TFB1M: variants seen among roughly 807,000 people sequenced by gnomAD.
The protein encoded by TFB1M is transcription factor B1, mitochondrial, also known as dimethyladenosine transferase 1, mitochondrial.
In TFB1M, 27 loss-of-function variants were observed where a neutral mutation model predicts 31.1. The observed-to-expected ratio is 0.87, with a 90% CI of 0.64 to 1.20. TFB1M has a LOEUF of 1.20. Ranked by LOEUF, TFB1M falls within the 50% of genes most tolerant of loss-of-function variation. The probability of loss-of-function intolerance (pLI) is 0.00; values close to 1 mark genes in which losing one functional copy is unlikely to be tolerated. For synonymous variants in TFB1M, 166 were observed against 151.8 expected, an observed-to-expected ratio of 1.09 and a Z score of -0.69; for missense variants, 394 against 418.7, an observed-to-expected ratio of 0.94 and a Z score of 0.51.
intron 5 of TFB1M, chr6:155,260,611 G>C (rs940047495): frequency 1.6e-6 from 1 of 630,862 alleles, no homozygotes; most frequent in Non-Finnish European, 2.9e-6. Context: ...GGCTGCACCT[G>C]TTCTCTAATG....
At chr6:155,282,358 T>C (rs1000132263) in intron 5 of TFB1M, among the ~76,000 whole-genome samples, 2 of 152,182 alleles carry the variant, frequency 1.3e-5, no homozygotes, top group African/African-American at 2.4e-5. Context: ...CATTAAAGCT[T>C]GATTGAGTTA....
At chr6:155,303,409 G>T (rs1335268149) in intron 2 of TFB1M, 1 of 152,116 alleles carries the variant, frequency 6.6e-6, no homozygotes, top group Non-Finnish European at 1.5e-5. Context: ...TTCTGTTACT[G>T]TAACAACTGT....
At chr6:155,235,950 A>G in the TFB1M span, among the ~76,000 whole-genome samples, 2 of 152,122 alleles carry the variant, frequency 1.3e-5, no homozygotes, top group African/African-American at 2.4e-5. Context: ...TTAACTTATG[A>G]TGTATTTTAT....
At chr6:155,247,858 C>G in the TFB1M span, 2 of 1,064,058 alleles carry the variant, frequency 1.9e-6, no homozygotes, top group Non-Finnish European at 2.7e-6. Flanking sequence ...GGTGCCTGAC[C>G]CACTGATGTG....
chr6:155,268,012 T>C (rs1784740937), intron 5 of TFB1M, among the ~76,000 whole-genome samples: 1 of 152,150 alleles, frequency 6.6e-6, no homozygotes, highest in Non-Finnish European at 1.5e-5. Flanking sequence ...TTTCAAAATG[T>C]AGACAGGAAA....
At chr6:155,297,450 T>C (rs1375377516) in intron 3 of TFB1M, among the ~76,000 whole-genome samples, 2 of 152,144 alleles carry the variant, frequency 1.3e-5, no homozygotes, top group African/African-American at 4.8e-5. Context: ...TAGATGAAGC[T>C]GTCAGAGGTC....
At chr6:155,280,455 C>T (rs9383749) in intron 5 of TFB1M, among the ~76,000 whole-genome samples, 44,654 of 152,072 alleles carry the variant, frequency 0.29, 7,287 homozygotes, top group East Asian at 0.65. Flanking sequence ...CTTCTCCTCC[C>T]GCCGTGGTTC....
rs1260725204 is a variant in TFB1M at position 155,285,160 on chromosome 6, C to T, written c.664G>A (p.Glu222Lys). 1.2e-6 allele frequency: 2 copies of T among 1,613,768 alleles called. No individual in the cohort carries two copies. Among genetic ancestry groups the T allele is most frequent in the Non-Finnish European group, 1.7e-6 (2 of 1,179,848 alleles). The change falls in exon 5 of 7, where the codon GAG (glutamate) becomes AAG (lysine). Residue 222 changes from glutamate (E) to lysine (K), a missense_variant and splice_region_variant. Physicochemically the swap from Glu to Lys is moderately conservative, Grantham distance 56. Around this residue, in one of 3 missense-constraint regions of TFB1M, gnomAD observed 115 missense variants for 144.1 expected, o/e 0.80. Coordinates refer to ENST00000367166, the MANE Select transcript of TFB1M (RefSeq NM_016020.4). ...ACAACAAATAAGCAGAAACTTACCT[C>T]TGGTTTGGGGACAAAAGCTTGTCCT... ...IPGQAFVPKP[E>K]VDVGVVHFTP...
chr6:155,277,420 C>G (rs576764404), intron 5 of TFB1M, among the ~76,000 whole-genome samples: 1 of 152,146 alleles, frequency 6.6e-6, no homozygotes, highest in South Asian at 2.1e-4. Flanking sequence ...GGAAACACTG[C>G]CCACTATTGT....
chr6:155,311,674 C>G (rs186099948), intron 1 of TFB1M, among the ~76,000 whole-genome samples: 123 of 152,296 alleles, frequency 8.1e-4, no homozygotes, highest in African/African-American at 2.8e-3. Flanking sequence ...CTCCTAAGAA[C>G]AGACTGGATA....
At chr6:155,262,666 A>AAACTAT (rs2114670724) in intron 5 of TFB1M, among the ~76,000 whole-genome samples, 1 of 152,332 alleles carries the variant, frequency 6.6e-6, no homozygotes, top group African/African-American at 2.4e-5. Flanking sequence ...AAAACTCTAC[A>AAACTAT]TAAGGCTTAC....
At chr6:155,285,606 C>T (rs1018999987) in intron 4 of TFB1M, among the ~76,000 whole-genome samples, 1 of 152,148 alleles carries the variant, frequency 6.6e-6, no homozygotes, top group Non-Finnish European at 1.5e-5. Context: ...TCAATAAATA[C>T]TTGATGAAGA....
At chr6:155,262,027 C>T (rs967287292) in intron 5 of TFB1M, among the ~76,000 whole-genome samples, 2 of 152,202 alleles carry the variant, frequency 1.3e-5, no homozygotes, top group Non-Finnish European at 2.9e-5. Flanking sequence ...ACAACTACCT[C>T]TTCCTACAGG....
At chr6:155,244,975 G>T in the TFB1M span, 1 of 644,016 alleles carries the variant, frequency 1.6e-6, no homozygotes, top group Non-Finnish European at 2.3e-6. Context: ...TTTTTTCCTG[G>T]CGCAGGTGCT....
chr6:155,254,992 G>T (rs111783137), downstream of TFB1M: 1,766 of 158,392 alleles, frequency 0.011, 34 homozygotes, highest in African/African-American at 0.04. Context: ...CTTTACCGTG[G>T]TGTGAAAGTG....
Position 155,256,521 on chromosome 6 carries a change from C to A in TFB1M, c.*1315G>T. On this transcript the variant is annotated 3_prime_UTR_variant, in exon 7 of 7. Coordinates refer to ENST00000367166, the MANE Select transcript of TFB1M (RefSeq NM_016020.4). ...CTTTAAAAGTCCTGAAGAATTCCTC[C>A]AGCAACGAGTGGACCGGTGAGACTG... 1.2e-6 allele frequency: 2 copies of A among 1,614,204 alleles called. No individual in the cohort carries two copies. The highest frequency in any genetic ancestry group is 1.7e-6 in the Non-Finnish European group (2 of 1,180,048).
rs947748263 is a variant in TFB1M at position 155,265,765 on chromosome 6, T to C, written c.667-5365A>G. On this transcript the variant is annotated intron_variant, in intron 5 of 6. Coordinates refer to ENST00000367166, the MANE Select transcript of TFB1M (RefSeq NM_016020.4). ...TATATAATATATAATATATATTTAA[T>C]ATATAATATGTAAATATTAAATATA... 4.1e-5 allele frequency among the ~76,000 whole-genome samples: 6 copies of C among 146,340 alleles called. No homozygotes were observed. The South Asian group carries it at 8.5e-4, about 21-fold the overall frequency.
the TFB1M span, among the ~76,000 whole-genome samples, chr6:155,236,013 G>A: frequency 2.0e-5 from 3 of 152,016 alleles, no homozygotes; most frequent in Non-Finnish European, 4.4e-5. Context: ...CTATAGCCCT[G>A]GGAACTGTTA....
Position 155,314,434 on chromosome 6 carries a change from G to A in TFB1M, c.-6C>T, listed in dbSNP as rs1234903229. 5.0e-6 allele frequency: 8 copies of A among 1,614,008 alleles called. No individual in the cohort carries two copies. Among genetic ancestry groups the A allele is most frequent in the Middle Eastern group, 1.7e-4 (1 of 6,052 alleles). On this transcript the variant is annotated 5_prime_UTR_variant, in exon 1 of 7. Coordinates refer to ENST00000367166, the MANE Select transcript of TFB1M (RefSeq NM_016020.4). ...AGTTTTCCGGAGGCAGCCATGATAC[G>A]CGGCAAGCACCATCCAACCCTACCT...
Sources: allele counts gnomAD v4.1 joint callset (sites outside exome capture counted in the v4.1 genomes callset), GRCh38; gene constraint gnomAD v4.1.1; regional missense constraint gnomAD v4.1.1; transcripts MANE v1.5; gene names NCBI Gene and HGNC (gene_info 2026-07-23, HGNC 2026-07-21).